The following DISP1 variants were observed in gnomAD, a reference collection of about 807,000 sequenced individuals.
DISP1 encodes protein dispatched homolog 1.
DISP1 carries 30 observed loss-of-function variants against 37.3 expected under a neutral mutation model. The observed-to-expected ratio is 0.80, with a 90% CI of 0.60 to 1.09. The LOEUF (loss-of-function observed/expected upper bound fraction) is 1.09, where lower values mean the gene tolerates loss of function less well. Among genes scored for constraint, DISP1 ranks in the 50% least tolerant of loss-of-function variants. The pLI is 0.00. For synonymous variants in DISP1, 634 were observed against 690.2 expected (o/e 0.92, Z 1.28); for missense variants, 1,598 against 1,879.5 (o/e 0.85, Z 2.77).
chr1:222,818,150 G>T (rs528473535), intron 1 of DISP1, among the ~76,000 whole-genome samples: 2 of 152,166 alleles, frequency 1.3e-5, no homozygotes, highest in Non-Finnish European at 2.9e-5. Flanking sequence ...ATTTGCATGG[G>T]GGGGTGGGGG....
At chr1:222,880,074 A>C (rs758993301) in intron 1 of DISP1, among the ~76,000 whole-genome samples, 4 of 152,204 alleles carry the variant, frequency 2.6e-5, no homozygotes, top group Non-Finnish European at 5.9e-5. Flanking sequence ...AATAACAAAA[A>C]TCAGAAGCAA....
At chr1:222,828,583 C>G (rs1258462572) in intron 1 of DISP1, among the ~76,000 whole-genome samples, 2 of 152,086 alleles carry the variant, frequency 1.3e-5, no homozygotes. Flanking sequence ...TTAATTTACT[C>G]CCTCAGGAGC....
intron 1 of DISP1, among the ~76,000 whole-genome samples, chr1:222,869,935 C>T (rs1669432423): frequency 6.6e-6 from 1 of 151,990 alleles, no homozygotes; most frequent in Non-Finnish European, 1.5e-5. Context: ...GCTATCCCTC[C>T]CCTCTCCCCC....
At chr1:222,825,754 C>T (rs866764154) in intron 1 of DISP1, among the ~76,000 whole-genome samples, 6 of 152,246 alleles carry the variant, frequency 3.9e-5, no homozygotes, top group African/African-American at 4.8e-5. Context: ...CCGGCGGCCT[C>T]GGCCTCCCAA....
chr1:223,004,232 A>G lies in DISP1; in HGVS notation c.2835A>G (p.Lys945=), dbSNP rs2609355. The G allele has an allele frequency of 0.29, 475,367 of 1,613,742 alleles. 71,418 individuals carry two copies. The highest frequency in any genetic ancestry group is 0.31 in the South Asian group (28,472 of 91,058). Residue 945 remains lysine, a synonymous_variant, in exon 9 of 9, where the codon AAA becomes AAG. Coordinates refer to ENST00000675850, the MANE Select transcript of DISP1 (RefSeq NM_001377229.1). This position sits in a 1 kb window ranked among gnomAD's most constrained non-coding sequence, Gnocchi z 4.9. ...ATGAAAAGATGCATCAGTTTTATAA[A>G]GAGGTGGACTCGTGGATATCCAGTG... is the stretch of plus-strand genomic sequence containing the variant. The part of the protein sequence containing the change: ...LAYEKMHQFY[K]EVDSWISSEL...
At chr1:222,818,403 C>T (rs888289464) in intron 1 of DISP1, among the ~76,000 whole-genome samples, 6 of 152,184 alleles carry the variant, frequency 3.9e-5, no homozygotes, top group Non-Finnish European at 5.9e-5. Context: ...GGTGGAGCCT[C>T]CCACCTCTTG....
chr1:222,954,458 CA>C (rs112714262), intron 3 of DISP1, among the ~76,000 whole-genome samples: 5 of 151,772 alleles, frequency 3.3e-5, no homozygotes, highest in African/African-American at 9.7e-5. Context: ...GAATGATTGC[CA>C]AAAAAAATTC....
chr1:222,936,880 A>ATATATAATTTATATTATT (rs1673893377), intron 2 of DISP1, among the ~76,000 whole-genome samples: 7 of 57,756 alleles, frequency 1.2e-4, no homozygotes, highest in Admixed American at 2.6e-4. Context: ...CATATATATG[A>ATATATAATTTATATTATT]TATATATAAT....
At chr1:222,904,929 A>C (rs1671816665) in intron 1 of DISP1, among the ~76,000 whole-genome samples, 1 of 152,164 alleles carries the variant, frequency 6.6e-6, no homozygotes, top group Admixed American at 6.5e-5. Context: ...TACTTTCAAA[A>C]ACTGTATTTG....
intron 1 of DISP1, among the ~76,000 whole-genome samples, chr1:222,889,461 A>G (rs1366627939): frequency 2.0e-5 from 3 of 152,160 alleles, no homozygotes; most frequent in Non-Finnish European, 4.4e-5. Flanking sequence ...GAATGCAAAC[A>G]GTAGCACTTG....
At chr1:222,867,618 G>C (rs572821535) in intron 1 of DISP1, among the ~76,000 whole-genome samples, 1 of 152,268 alleles carries the variant, frequency 6.6e-6, no homozygotes, top group South Asian at 2.1e-4. Context: ...AGAGTACCTA[G>C]TGCAAGCAAT....
chr1:223,000,511 T>C (rs1679357439), intron 8 of DISP1, among the ~76,000 whole-genome samples: 1 of 152,204 alleles, frequency 6.6e-6, no homozygotes, highest in Admixed American at 6.5e-5. Flanking sequence ...TTTAGTACAT[T>C]TGAACAAAAA....
In DISP1 at chr1:223,004,111, T is replaced by C. The variant is rs757370413; in HGVS notation, c.2714T>C (p.Leu905Ser). The change falls in exon 9 of 9, where the codon TTG (leucine) becomes TCG (serine). Residue 905 changes from leucine (L) to serine (S), a missense_variant. Leu to Ser is a moderately radical substitution (Grantham distance 145). Coordinates refer to ENST00000675850, the MANE Select transcript of DISP1 (RefSeq NM_001377229.1). This position sits in a 1 kb window ranked among gnomAD's most constrained non-coding sequence, Gnocchi z 4.9. ...CTGGAAAGGAGTACAGGGTACCATT[T>C]GGATAGCAAAACCCCAGGGCCGAGG... is the stretch of plus-strand genomic sequence containing the variant. Reference protein sequence around the residue: ...MELERSTGYHLDSKTPGPRFD... With the variant: ...MELERSTGYHSDSKTPGPRFD... 3 of 1,614,044 alleles carry C rather than the reference T, an allele frequency of 1.9e-6. No homozygotes were observed. Among genetic ancestry groups the C allele is most frequent in the African/African-American group, 2.7e-5 (2 of 74,914 alleles).
chr1:222,959,342 C>T (rs1675855311), intron 3 of DISP1, among the ~76,000 whole-genome samples: 1 of 152,096 alleles, frequency 6.6e-6, no homozygotes, highest in Non-Finnish European at 1.5e-5. Flanking sequence ...ATCCTGAAAA[C>T]AACCCAAGGA....
At chr1:222,842,168 CTTTA>C (rs772757094) in intron 1 of DISP1, among the ~76,000 whole-genome samples, 3 of 151,992 alleles carry the variant, frequency 2.0e-5, no homozygotes, top group Non-Finnish European at 4.4e-5. Flanking sequence ...TAAATTCACA[CTTTA>C]TTTACTGCTA....
chr1:222,987,709 T>A (rs946477007), intron 4 of DISP1, among the ~76,000 whole-genome samples: 1 of 152,188 alleles, frequency 6.6e-6, no homozygotes, highest in East Asian at 1.9e-4. Context: ...ACTAAGCAAT[T>A]TGGGGCCTAC....
At chr1:222,817,957 G>A (rs1661672741) in intron 1 of DISP1, among the ~76,000 whole-genome samples, 1 of 152,152 alleles carries the variant, frequency 6.6e-6, no homozygotes, top group Non-Finnish European at 1.5e-5. Flanking sequence ...AATAGACTCA[G>A]TTTTGCTTTG....
intron 4 of DISP1, among the ~76,000 whole-genome samples, chr1:222,987,367 G>T (rs1382119162): frequency 2.6e-5 from 4 of 152,186 alleles, no homozygotes; most frequent in Admixed American, 2.0e-4. Context: ...ATATACTCAG[G>T]ATGGTGATCC....
rs531050013 is a variant in DISP1 at position 222,893,582 on chromosome 1, C to T, written c.-158-34848C>T. Among the ~76,000 whole-genome samples, 11 of 152,330 alleles carry T rather than the reference C, an allele frequency of 7.2e-5. No individual in the cohort carries two copies. The East Asian group carries it at 7.7e-4, about 11-fold the overall frequency. ...TGGCAGGGCGGGCAGCCCCAGGCGC[C>T]GGCACTGACTCCATGGAAGGCTGCG... On this transcript the variant is annotated intron_variant, in intron 1 of 8. Transcript: ENST00000675850. This position sits in a 1 kb window ranked among gnomAD's most constrained non-coding sequence, Gnocchi z 4.3.
Sources: gnomAD v4.1 joint callset for allele counts (sites outside exome capture counted in the v4.1 genomes callset) on GRCh38, gnomAD v4.1.1 for gene constraint, Gnocchi (gnomAD v3.1) non-coding constraint, MANE v1.5 for transcripts, NCBI Gene and HGNC (gene_info 2026-07-23, HGNC 2026-07-21) for gene names.